Variants in CUL5 observed in about 807,000 individuals in gnomAD.
The protein encoded by CUL5 is cullin 5, also known as cullin-5.
In CUL5, 26 loss-of-function variants were observed where a neutral mutation model predicts 108.8. The observed-to-expected ratio is 0.24, with a 90% CI of 0.18 to 0.33. The LOEUF (loss-of-function observed/expected upper bound fraction) is 0.33. CUL5 is among the 10% of genes least tolerant of loss of function. The probability of loss-of-function intolerance (pLI) is 1.00; values close to 1 mark genes in which losing one functional copy is unlikely to be tolerated. For synonymous variants in CUL5, 334 were observed against 298.0 expected (o/e 1.12, Z -1.25); for missense variants, 524 against 909.2 (o/e 0.58, Z 5.45).
intron 7 of CUL5, among the ~76,000 whole-genome samples, chr11:108,057,640 A>G (rs1863420308): frequency 6.6e-6 from 1 of 152,252 alleles, no homozygotes; most frequent in Non-Finnish European, 1.5e-5. Context: ...AACAGACTGA[A>G]GGACAAAGGA....
Position 108,078,183 on chromosome 11 carries a change from A to G in CUL5, c.1121A>G (p.Lys374Arg). Reference protein sequence around the residue: ...RFLTARDKAYKAVVNDATIFK... With the variant: ...RFLTARDKAYRAVVNDATIFK... The stretch of plus-strand genomic sequence containing the variant: ...CCAAATTATTTTTTGCAGGCGTATA[A>G]AGCAGTTGTTAATGATGCTACCATA... The change falls in exon 11 of 19, where the codon AAA (lysine) becomes AGA (arginine). Residue 374 changes from lysine to arginine, a missense_variant. Lys to Arg is a conservative substitution (Grantham distance 26, BLOSUM62 2). This residue lies in a region of CUL5 where 76 missense variants were observed against 168.3 expected (regional missense o/e 0.45). Transcript: ENST00000393094. 1 of 1,560,242 alleles carries G rather than the reference A, an allele frequency of 6.4e-7. No homozygotes were observed. Among genetic ancestry groups the G allele is most frequent in the Non-Finnish European group, 8.7e-7 (1 of 1,146,960 alleles).
At chr11:108,078,075 G>C in intron 10 of CUL5, 101 bp from the exon 11 acceptor site, 6 of 653,898 alleles carry the variant, frequency 9.2e-6, no homozygotes, top group Non-Finnish European at 1.5e-5. Context: ...TATACCATTA[G>C]AAATAAAAAC....
intron 18 of CUL5, among the ~76,000 whole-genome samples, chr11:108,101,292 A>G (rs1404747398): frequency 6.6e-6 from 1 of 152,248 alleles, no homozygotes; most frequent in Non-Finnish European, 1.5e-5. Flanking sequence ...AGGGAGTGTC[A>G]TATCTATGCA....
chr11:108,105,764 T>C lies in CUL5; in HGVS notation c.*1380T>C, dbSNP rs1864784440. 6.6e-6 allele frequency: 1 copy of C among 152,144 alleles called. No homozygotes were observed. The highest frequency in any genetic ancestry group is 2.4e-5 in the African/African-American group (1 of 41,452). The allele number at this position is 152,144 out of a possible 1,614,324, so 9.4% of individuals were successfully genotyped here. A position where few individuals can be genotyped will look rare whatever the true frequency, so the allele number is the denominator to read the frequency against. ...TCATTGTGGTGCACGTTTCAAATTT[T>C]CTTGCAAATTATTTTATATCTTATT... On this transcript the variant is annotated 3_prime_UTR_variant, in exon 19 of 19. Coordinates refer to ENST00000393094, the MANE Select transcript of CUL5 (RefSeq NM_003478.6).
intron 5 of CUL5, 107 bp from the exon 6 acceptor site, chr11:108,054,540 C>A: frequency 1.4e-6 from 1 of 703,168 alleles, no homozygotes; most frequent in African/African-American, 1.8e-5. Context: ...TTCTCTTGAG[C>A]ATTGTTACCT....
intron 18 of CUL5, among the ~76,000 whole-genome samples, chr11:108,102,029 T>G (rs1393892313): frequency 1.3e-5 from 2 of 152,174 alleles, no homozygotes; most frequent in African/African-American, 2.4e-5. Flanking sequence ...TTGTTTATTT[T>G]ATTTTATTTT....
chr11:108,068,077 C>T (rs1863732424), intron 7 of CUL5, among the ~76,000 whole-genome samples: 1 of 152,012 alleles, frequency 6.6e-6, no homozygotes, highest in Non-Finnish European at 1.5e-5. Flanking sequence ...TACAGGCACC[C>T]ACCATGCCCG....
In CUL5 at chr11:108,078,684, G is replaced by A. The variant is rs190428680; in HGVS notation, c.1178+444G>A. 8.5e-5 allele frequency among the ~76,000 whole-genome samples: 13 copies of A among 152,256 alleles called. No homozygotes were observed. In the East Asian group the frequency reaches 2.3e-3, roughly 27 times the overall value. On this transcript the variant is annotated intron_variant, in intron 11 of 18. Coordinates refer to ENST00000393094, the MANE Select transcript of CUL5 (RefSeq NM_003478.6). ...AGAAAATCTGACAACTGGAATCTGA[G>A]CTAGTTATAGCACTTTCAGAGTAGT... is the stretch of plus-strand genomic sequence containing the variant.
At chr11:108,064,509 A>G (rs1863625820) in intron 7 of CUL5, among the ~76,000 whole-genome samples, 1 of 152,102 alleles carries the variant, frequency 6.6e-6, no homozygotes, top group South Asian at 2.1e-4. Flanking sequence ...GAAGTTTGAG[A>G]CCAGCCTGGC....
intron 10 of CUL5, among the ~76,000 whole-genome samples, chr11:108,076,393 A>G (rs896036199): frequency 5.9e-5 from 9 of 151,874 alleles, no homozygotes; most frequent in Admixed American, 6.6e-5. Flanking sequence ...GACTTTTTCC[A>G]TCTTGTGTGT....
At chr11:108,085,828 T>A (rs1422815107) in intron 11 of CUL5, among the ~76,000 whole-genome samples, 2 of 152,066 alleles carry the variant, frequency 1.3e-5, no homozygotes, top group East Asian at 1.9e-4. Context: ...TGCTGGCAGG[T>A]GTGGGGTTTC....
At chr11:108,023,476 A>G (rs746420385) in intron 1 of CUL5, among the ~76,000 whole-genome samples, 30 of 152,202 alleles carry the variant, frequency 2.0e-4, no homozygotes, top group Non-Finnish European at 3.5e-4. Flanking sequence ...AAATTTTAAA[A>G]TTCCTTTTAT....
At chr11:108,072,519 A>G in intron 9 of CUL5, 57 bp downstream of exon 9, 2 of 1,467,352 alleles carry the variant, frequency 1.4e-6, no homozygotes, top group African/African-American at 1.4e-5. Flanking sequence ...TTTTAAATGT[A>G]GGATTATTGA....
intron 1 of CUL5, among the ~76,000 whole-genome samples, chr11:108,031,364 C>CA (rs34044185): frequency 0.015 from 2,140 of 139,820 alleles, 46 homozygotes; most frequent in African/African-American, 0.053. Context: ...GACTCTGTCT[C>CA]AAAAAAAAAA....
chr11:108,047,806 A>G (rs1863103473), intron 3 of CUL5, among the ~76,000 whole-genome samples: 1 of 152,170 alleles, frequency 6.6e-6, no homozygotes, highest in South Asian at 2.1e-4. Context: ...TTTTCTTTTT[A>G]TGACTTGATA....
At chr11:108,089,371 C>G in intron 12 of CUL5, 121 bp from the exon 13 acceptor site, 1 of 604,768 alleles carries the variant, frequency 1.7e-6, no homozygotes. Flanking sequence ...TTCAGTAGGC[C>G]TCTATCTGTA....
intron 7 of CUL5, 85 bp downstream of exon 7, chr11:108,055,040 T>A (rs892848382): frequency 7.6e-5 from 74 of 971,262 alleles, no homozygotes; most frequent in Non-Finnish European, 1.0e-4. Flanking sequence ...ATAAATAATA[T>A]TATTTAACAA....
rs776911073 is a variant in CUL5, at chr11:108,071,520, G to C, written c.875-812G>C. Among the ~76,000 whole-genome samples, 11 of 152,174 alleles carry C rather than the reference G, an allele frequency of 7.2e-5. No homozygotes were observed. The Middle Eastern group carries it at 0.01, about 141-fold the overall frequency. On this transcript the variant is annotated intron_variant, in intron 8 of 18. Transcript: ENST00000393094. The stretch of plus-strand genomic sequence containing the variant: ...CCAAATGACTGACCTTTTAAAGAAA[G>C]GAGTTGGGTTTTGCAGTATTTGATC...
intron 11 of CUL5, among the ~76,000 whole-genome samples, chr11:108,086,235 C>T (rs1394096509): frequency 1.3e-5 from 2 of 152,258 alleles, no homozygotes; most frequent in East Asian, 1.9e-4. Flanking sequence ...AGTAAAACAG[C>T]TTACAACTGA....
Sources: gnomAD v4.1 joint callset for allele counts (sites outside exome capture counted in the v4.1 genomes callset) on GRCh38, gnomAD v4.1.1 for gene constraint, gnomAD v4.1.1 regional missense constraint, MANE v1.5 for transcripts, NCBI Gene and HGNC (gene_info 2026-07-23, HGNC 2026-07-21) for gene names.